The following DAP3 variants were observed in gnomAD, a reference collection of about 807,000 sequenced individuals.
DAP3 encodes the protein small ribosomal subunit protein mS29.
In DAP3, 28 loss-of-function variants were observed where a neutral mutation model predicts 51.9. That is an observed-to-expected ratio of 0.54 (90% CI 0.40 to 0.74). The LOEUF is 0.74. Among genes scored for constraint, DAP3 ranks in the 30% least tolerant of loss-of-function variants. The pLI, the probability that DAP3 is intolerant of heterozygous loss-of-function variation, is 0.00. For synonymous variants in DAP3, 170 were observed against 170.3 expected (o/e 1.00, Z 0.01); for missense variants, 458 against 483.5 (o/e 0.95, Z 0.49).
chr1:155,717,168 T>C, intron 3 of DAP3, 40 bp downstream of exon 3: 1 of 1,596,666 alleles, frequency 6.3e-7, no homozygotes, highest in Non-Finnish European at 8.5e-7. Flanking sequence ...TCAGGGCTTA[T>C]GATTTGTGTT....
chr1:155,729,946 G>T, intron 9 of DAP3, among the ~76,000 whole-genome samples: 1 of 151,790 alleles, frequency 6.6e-6, no homozygotes, highest in East Asian at 1.9e-4. Context: ...CGGGCATGGT[G>T]GTGCATGACT....
At chr1:155,728,871 AAAAG>A (rs933352996) in intron 7 of DAP3, among the ~76,000 whole-genome samples, 167 bp from the exon 8 acceptor site, 5 of 151,990 alleles carry the variant, frequency 3.3e-5, no homozygotes, top group Admixed American at 6.6e-5. Flanking sequence ...AAAAAAAAAA[AAAAG>A]AAAGAAAAGA....
upstream of DAP3, chr1:155,688,014 A>T: frequency 6.6e-7 from 1 of 1,509,840 alleles, no homozygotes; most frequent in South Asian, 1.3e-5. Flanking sequence ...AAAGCCCAGG[A>T]TTCAATCGCT....
chr1:155,689,183 A>C lies in DAP3; in HGVS notation c.-8+9A>C. Reference sequence around the variant, plus strand: ...CTAGTCCTCGACTCACGGTGAGGGAATGGACCGACACGGGTATTGTACCGC... The same window carrying C: ...CTAGTCCTCGACTCACGGTGAGGGACTGGACCGACACGGGTATTGTACCGC... On this transcript the variant is annotated intron_variant, in intron 1 of 12. Transcript: ENST00000368336. The C allele has an allele frequency of 2.8e-6, 2 of 720,068 alleles. No homozygotes were observed. The highest frequency in any genetic ancestry group is 4.9e-6 in the Non-Finnish European group (2 of 405,434). 44.6% of individuals were successfully genotyped at this position (720,068 alleles called of 1,614,324 possible).
chr1:155,732,071 T>C lies in DAP3; in HGVS notation c.993+38T>C. 3 of 1,521,508 alleles carry C rather than the reference T, an allele frequency of 2.0e-6. No homozygotes were observed. In the South Asian group the frequency reaches 3.7e-5, roughly 19 times the overall value. 94.3% of individuals were successfully genotyped at this position (1,521,508 alleles called of 1,614,324 possible). On this transcript the variant is annotated intron_variant, in intron 11 of 12. Transcript: ENST00000368336. ...GAAAATTTGTTTCTACTTAGATTGT[T>C]ATCCTGTTTAAAGAAAAATATTTTT...
chr1:155,701,840 C>T (rs891063292), intron 1 of DAP3, among the ~76,000 whole-genome samples: 3 of 151,548 alleles, frequency 2.0e-5, no homozygotes, highest in Non-Finnish European at 2.9e-5. Flanking sequence ...TTTTCACAAC[C>T]CTTAAGGTTA....
chr1:155,705,611 A>AG (rs1283896803), intron 1 of DAP3, among the ~76,000 whole-genome samples: 2 of 151,390 alleles, frequency 1.3e-5, no homozygotes, highest in Admixed American at 1.3e-4. Context: ...TCAAAAAAAA[A>AG]AAGAAAGAAA....
chr1:155,691,828 T>G (rs563657706), intron 1 of DAP3, among the ~76,000 whole-genome samples: 3 of 141,558 alleles, frequency 2.1e-5, no homozygotes, highest in Admixed American at 2.0e-4. Context: ...ATTTTCTTAA[T>G]TTTGGGGGAC....
intron 2 of DAP3, among the ~76,000 whole-genome samples, chr1:155,713,853 T>G (rs1421725082): frequency 2.0e-5 from 3 of 152,236 alleles, no homozygotes; most frequent in Non-Finnish European, 4.4e-5. Context: ...AATACTGTAT[T>G]GCCTAACATC....
At chr1:155,727,798 G>A in intron 7 of DAP3, 60 bp downstream of exon 7, 2 of 1,578,940 alleles carry the variant, frequency 1.3e-6, no homozygotes, top group South Asian at 1.2e-5. Context: ...TTTGTGCCCT[G>A]AGTACCAATA....
chr1:155,689,585 C>G, intron 1 of DAP3: 1 of 368,826 alleles, frequency 2.7e-6, no homozygotes, highest in Non-Finnish European at 5.3e-6. Flanking sequence ...AAAAATTAGG[C>G]AACTCCAAAC....
chr1:155,721,530 A>C lies in DAP3; in HGVS notation c.182A>C (p.Asp61Ala). The C allele has an allele frequency of 1.2e-6, 2 of 1,613,832 alleles. No individual in the cohort carries two copies. The highest frequency in any genetic ancestry group is 1.7e-6 in the Non-Finnish European group (2 of 1,179,986). ...CTTATTTCCTAGGCCAAGCATGGGGATCAGCACGAGGGTCAGCACTACAAC... is the reference window on the plus strand; with the variant it reads ...CTTATTTCCTAGGCCAAGCATGGGGCTCAGCACGAGGGTCAGCACTACAAC... ...TNENDPAKHG[D>A]QHEGQHYNIS... is the part of the protein sequence containing the mutation. The change falls in exon 4 of 13, where the codon GAT becomes GCT. Residue 61 changes from aspartate (D) to alanine (A), a missense_variant. Asp to Ala is a moderately radical substitution (Grantham distance 126, BLOSUM62 -2). Coordinates refer to ENST00000368336, the MANE Select transcript of DAP3 (RefSeq NM_004632.4).
At chr1:155,717,610 A>G (rs1343430525) in intron 3 of DAP3, among the ~76,000 whole-genome samples, 2 of 152,230 alleles carry the variant, frequency 1.3e-5, no homozygotes, top group African/African-American at 2.4e-5. Context: ...TCTATTTACA[A>G]AACAGGTGCC....
intron 2 of DAP3, among the ~76,000 whole-genome samples, chr1:155,712,953 G>A (rs1656901996): frequency 6.6e-6 from 1 of 152,142 alleles, no homozygotes; most frequent in African/African-American, 2.4e-5. Context: ...TATTCAGATT[G>A]CTACCCTGAA....
chr1:155,722,013 T>G (rs1658072430), intron 4 of DAP3: 1 of 252,404 alleles, frequency 4.0e-6, no homozygotes, highest in African/African-American at 2.2e-5. Context: ...TTTGTGAAAA[T>G]GTTATCAAAC....
At chr1:155,710,623 G>A (rs1656578858) in intron 2 of DAP3, 1 of 152,216 alleles carries the variant, frequency 6.6e-6, no homozygotes, top group Middle Eastern at 3.4e-3. Flanking sequence ...TATGTGCCAG[G>A]TACTACACTA....
At chr1:155,724,423 C>T (rs972384172) in intron 4 of DAP3, among the ~76,000 whole-genome samples, 37 of 150,094 alleles carry the variant, frequency 2.5e-4, no homozygotes, top group African/African-American at 8.4e-4. Flanking sequence ...ATCATGAGGT[C>T]AGGAGTTCGA....
intron 1 of DAP3, among the ~76,000 whole-genome samples, chr1:155,703,966 A>G (rs967005017): frequency 6.6e-6 from 1 of 152,204 alleles, no homozygotes; most frequent in African/African-American, 2.4e-5. Context: ...CAGGCAACAT[A>G]GCCAGACCCC....
At chr1:155,726,079 G>T in intron 6 of DAP3, 60 bp downstream of exon 6, 1 of 1,327,220 alleles carries the variant, frequency 7.5e-7, no homozygotes, top group South Asian at 1.3e-5. Context: ...TACTGTGGTA[G>T]CCTTGCAGCT....
Sources: allele counts gnomAD v4.1 joint callset (sites outside exome capture counted in the v4.1 genomes callset), GRCh38; gene constraint gnomAD v4.1.1; transcripts MANE v1.5; gene names NCBI Gene and HGNC (gene_info 2026-07-23, HGNC 2026-07-21).